Variants in CLNK observed in about 807,000 individuals in gnomAD.
CLNK encodes cytokine-dependent hematopoietic cell linker.
CLNK carries 74 observed loss-of-function variants against 68.6 expected under a neutral mutation model. That is an observed-to-expected ratio of 1.08 (90% confidence interval 0.89 to 1.31). The LOEUF is 1.31. Ranked by LOEUF, CLNK falls within the 50% of genes most tolerant of loss-of-function variation. The pLI is 0.00. For synonymous variants in CLNK, 198 were observed against 172.2 expected, an observed-to-expected ratio of 1.15 and a Z score of -1.17; for missense variants, 553 against 515.3, an observed-to-expected ratio of 1.07 and a Z score of -0.71.
At chr4:10,494,828 A>T (rs1225169392) in intron 18 of CLNK, among the ~76,000 whole-genome samples, 1 of 152,166 alleles carries the variant, frequency 6.6e-6, no homozygotes. Flanking sequence ...GAGACTTTTT[A>T]AAAAGATTAT....
intron 8 of CLNK, among the ~76,000 whole-genome samples, chr4:10,549,219 T>G (rs1719352160): frequency 6.6e-6 from 1 of 152,230 alleles, no homozygotes; most frequent in South Asian, 2.1e-4. Flanking sequence ...TAATCATTGC[T>G]TAGCTAACCA....
At chr4:10,574,921 G>A (rs1409059075) in intron 4 of CLNK, among the ~76,000 whole-genome samples, 8 of 152,050 alleles carry the variant, frequency 5.3e-5, no homozygotes, top group African/African-American at 1.2e-4. Flanking sequence ...CCTCTCACGC[G>A]GACCCCCTTA....
intron 3 of CLNK, among the ~76,000 whole-genome samples, chr4:10,586,378 C>CTGGA (rs1186504801): frequency 7.3e-6 from 1 of 136,510 alleles, no homozygotes; most frequent in Non-Finnish European, 1.5e-5. Context: ...TGTCACCAGG[C>CTGGA]TGGAGTGCAG....
At chr4:10,683,664 C>T (rs1725171026) in intron 1 of CLNK, among the ~76,000 whole-genome samples, 1 of 152,202 alleles carries the variant, frequency 6.6e-6, no homozygotes, top group South Asian at 2.1e-4. Context: ...GTTGCCATTC[C>T]TACTTCTCTA....
intron 3 of CLNK, among the ~76,000 whole-genome samples, chr4:10,588,304 T>G (rs956923706): frequency 6.6e-6 from 1 of 152,208 alleles, no homozygotes; most frequent in Non-Finnish European, 1.5e-5. Flanking sequence ...AACCCTGACC[T>G]TATCTGGATT....
chr4:10,611,762 T>A (rs1722036805), intron 2 of CLNK, among the ~76,000 whole-genome samples: 1 of 152,138 alleles, frequency 6.6e-6, no homozygotes, highest in South Asian at 2.1e-4. Context: ...CCTCTGAGAA[T>A]CTCCAGCACC....
chr4:10,702,826 A>G, the CLNK span, among the ~76,000 whole-genome samples: 9 of 152,302 alleles, frequency 5.9e-5, no homozygotes, highest in South Asian at 1.9e-3. Flanking sequence ...CAAGTAAAAT[A>G]AGCAGATGGA....
chr4:10,527,713 A>G (rs1004784162), intron 13 of CLNK, among the ~76,000 whole-genome samples: 3 of 152,172 alleles, frequency 2.0e-5, no homozygotes, highest in African/African-American at 7.2e-5. Context: ...TGAAAGAGCC[A>G]CGTGTGTGTG....
intron 8 of CLNK, among the ~76,000 whole-genome samples, chr4:10,552,684 A>C (rs1719509554): frequency 6.6e-6 from 1 of 151,776 alleles, no homozygotes; most frequent in Admixed American, 6.6e-5. Flanking sequence ...CTTCCCCCAA[A>C]CTGCCTTTGG....
At chr4:10,525,464 G>T (rs1718272344) in intron 14 of CLNK, among the ~76,000 whole-genome samples, 1 of 152,254 alleles carries the variant, frequency 6.6e-6, no homozygotes, top group Non-Finnish European at 1.5e-5. Flanking sequence ...AACAACACTT[G>T]GTCTTCTAGC....
At chr4:10,566,693 A>G (rs1720127939) in intron 5 of CLNK, among the ~76,000 whole-genome samples, 3 of 152,192 alleles carry the variant, frequency 2.0e-5, no homozygotes. Context: ...AATAGAAATT[A>G]AGAAAATGGG....
At chr4:10,661,232 G>C (rs966315250) in intron 2 of CLNK, among the ~76,000 whole-genome samples, 1 of 152,176 alleles carries the variant, frequency 6.6e-6, no homozygotes, top group African/African-American at 2.4e-5. Context: ...ACACACGAGA[G>C]AAATATCATC....
chr4:10,676,408 T>TTTTTTA (rs397709349), intron 1 of CLNK, among the ~76,000 whole-genome samples: 2 of 142,068 alleles, frequency 1.4e-5, no homozygotes, highest in Admixed American at 7.1e-5. Context: ...TTTTTTTTTT[T>TTTTTTA]GAGGGGTAAG....
At chr4:10,533,290 G>A (rs1718624908) in intron 11 of CLNK, among the ~76,000 whole-genome samples, 1 of 152,062 alleles carries the variant, frequency 6.6e-6, no homozygotes, top group African/African-American at 2.4e-5. Context: ...AAAAAACAAT[G>A]TTGGGCATTC....
intron 2 of CLNK, among the ~76,000 whole-genome samples, chr4:10,657,832 G>A (rs551956675): frequency 6.6e-6 from 1 of 152,274 alleles, no homozygotes; most frequent in Admixed American, 6.5e-5. Flanking sequence ...CCCGCCAATC[G>A]AGAGATATGA....
the CLNK span, among the ~76,000 whole-genome samples, chr4:10,701,360 C>G: frequency 1.3e-5 from 2 of 152,164 alleles, no homozygotes; most frequent in African/African-American, 2.4e-5. Flanking sequence ...TCCTGACCCC[C>G]CTTTATCAGA....
intron 1 of CLNK, among the ~76,000 whole-genome samples, chr4:10,674,364 G>C (rs1032689947): frequency 2.0e-5 from 3 of 152,186 alleles, no homozygotes; most frequent in Non-Finnish European, 4.4e-5. Context: ...AGACGCCAAT[G>C]CAAATCTAAT....
the CLNK span, among the ~76,000 whole-genome samples, chr4:10,693,144 A>G: frequency 6.6e-6 from 1 of 152,210 alleles, no homozygotes; most frequent in Non-Finnish European, 1.5e-5. Context: ...TGAGCCTTGT[A>G]TAAGGAGCCT....
the CLNK span, among the ~76,000 whole-genome samples, chr4:10,690,394 T>C: frequency 4.7e-4 from 71 of 152,318 alleles, no homozygotes; most frequent in African/African-American, 1.6e-3. Flanking sequence ...AGCCTCGTTT[T>C]GTTGCATTCG....
Sources: gnomAD v4.1 joint callset for allele counts (sites outside exome capture counted in the v4.1 genomes callset) on GRCh38, gnomAD v4.1.1 for gene constraint, MANE v1.5 for transcripts, NCBI Gene and HGNC (gene_info 2026-07-23, HGNC 2026-07-21) for gene names.